TRAF3: variants seen among roughly 807,000 people sequenced by gnomAD.
TRAF3 encodes TNF receptor associated factor 3.
Under a neutral mutation model 62.3 loss-of-function variants are expected in TRAF3, and 13 were observed. The observed-to-expected ratio is 0.21, with a 90% CI of 0.14 to 0.33. The LOEUF (loss-of-function observed/expected upper bound fraction) is 0.33. Among genes scored for constraint, TRAF3 ranks in the 10% least tolerant of loss-of-function variants. The pLI, the probability that TRAF3 is intolerant of heterozygous loss-of-function variation, is 1.00. For missense variants in TRAF3, 440 were observed against 741.8 expected (o/e 0.59, Z 4.73); for synonymous variants, 269 against 283.4 (o/e 0.95, Z 0.51).
intron 1 of TRAF3, among the ~76,000 whole-genome samples, chr14:102,781,382 A>G (rs1897266369): frequency 1.3e-5 from 2 of 152,134 alleles, no homozygotes; most frequent in Admixed American, 6.5e-5. Context: ...TGTGAAGGGC[A>G]TGGTCTGTGG....
intron 2 of TRAF3, among the ~76,000 whole-genome samples, chr14:102,844,036 T>C (rs914327415): frequency 1.3e-5 from 2 of 152,236 alleles, no homozygotes; most frequent in Non-Finnish European, 2.9e-5. Context: ...TAACTAAAAG[T>C]AACTGAAGAA....
intron 2 of TRAF3, among the ~76,000 whole-genome samples, chr14:102,848,563 T>A (rs552735820): frequency 9.8e-5 from 15 of 152,384 alleles, no homozygotes; most frequent in African/African-American, 3.1e-4. Flanking sequence ...AAAACTGCTG[T>A]TTAAATTTCA....
At position 102,890,068 on chromosome 14, in the gene TRAF3, A is replaced by G. The variant is rs184628633; in HGVS notation, c.726+434A>G. Among the ~76,000 whole-genome samples, 165 of 152,370 alleles carry G rather than the reference A, an allele frequency of 1.1e-3. No individual in the cohort carries two copies. In the Middle Eastern group the frequency reaches 0.017, roughly 16 times the overall value. On this transcript the variant is annotated intron_variant, in intron 8 of 11. Coordinates refer to ENST00000392745, the MANE Select transcript of TRAF3 (RefSeq NM_145725.3). ...ACGTGTGTATCCATAAATGCATTTG[A>G]TGTACATGTCTGTGCTGACTCTGAC... is the stretch of plus-strand genomic sequence containing the variant.
intron 2 of TRAF3, among the ~76,000 whole-genome samples, chr14:102,842,443 C>T (rs1019568085): frequency 1.3e-5 from 2 of 151,834 alleles, no homozygotes; most frequent in African/African-American, 4.8e-5. Flanking sequence ...TTCCAAAGCA[C>T]AGCACAGAGA....
intron 4 of TRAF3, among the ~76,000 whole-genome samples, chr14:102,873,993 C>T (rs1182402067): frequency 6.6e-6 from 1 of 152,110 alleles, no homozygotes; most frequent in African/African-American, 2.4e-5. Flanking sequence ...GGCATGGTGC[C>T]TTATGCCTGG....
intron 7 of TRAF3, among the ~76,000 whole-genome samples, chr14:102,887,817 C>T (rs911095062): frequency 3.9e-5 from 6 of 152,070 alleles, no homozygotes; most frequent in Middle Eastern, 3.4e-3. Flanking sequence ...GCATGGTCTC[C>T]GTCTCCTGAC....
At chr14:102,895,257 G>C (rs921707647) in intron 9 of TRAF3, 4 of 334,844 alleles carry the variant, frequency 1.2e-5, no homozygotes, top group African/African-American at 6.5e-5. Context: ...GAAAGCCTTT[G>C]CGGAGTAAAA....
chr14:102,902,403 C>T (rs1013618943), intron 10 of TRAF3, among the ~76,000 whole-genome samples: 11 of 152,216 alleles, frequency 7.2e-5, no homozygotes, highest in African/African-American at 2.4e-4. Flanking sequence ...ACCCTGGGGT[C>T]GTTCTGGGGA....
chr14:102,883,760 A>G (rs2139902171), intron 6 of TRAF3, among the ~76,000 whole-genome samples: 1 of 151,792 alleles, frequency 6.6e-6, no homozygotes, highest in South Asian at 2.1e-4. Context: ...TGATTTTTAT[A>G]TTTTCAGTAG....
chr14:102,851,949 G>A (rs1412358194), intron 2 of TRAF3, among the ~76,000 whole-genome samples: 3 of 151,314 alleles, frequency 2.0e-5, no homozygotes, highest in African/African-American at 7.3e-5. Context: ...CAGCTGGTTG[G>A]GAGGCTGAGG....
chr14:102,806,458 T>G (rs1898778091), intron 1 of TRAF3, among the ~76,000 whole-genome samples: 1 of 152,132 alleles, frequency 6.6e-6, no homozygotes, highest in African/African-American at 2.4e-5. Flanking sequence ...AATTTTTGAG[T>G]AGATACCATT....
chr14:102,890,183 C>T (rs932672914), intron 8 of TRAF3, among the ~76,000 whole-genome samples: 3 of 152,246 alleles, frequency 2.0e-5, no homozygotes, highest in Admixed American at 6.5e-5. Context: ...CTGTTGCTGC[C>T]GCACATGTAG....
chr14:102,896,118 G>A (rs760815680), intron 9 of TRAF3, among the ~76,000 whole-genome samples: 3 of 152,100 alleles, frequency 2.0e-5, no homozygotes, highest in Non-Finnish European at 2.9e-5. Flanking sequence ...CACACATTGC[G>A]GAATAATTAA....
At chr14:102,856,097 C>CA (rs3070340) in intron 2 of TRAF3, among the ~76,000 whole-genome samples, 8,382 of 62,952 alleles carry the variant, frequency 0.13, 431 homozygotes, top group East Asian at 0.34. Context: ...CCCTGTCTCA[C>CA]AAAAAAAAAA....
intron 2 of TRAF3, among the ~76,000 whole-genome samples, chr14:102,837,138 G>T (rs962336282): frequency 1.6e-5 from 2 of 127,572 alleles, no homozygotes; most frequent in African/African-American, 6.4e-5. Context: ...GTGTGTGTGT[G>T]TGTGTTTTTT....
intron 1 of TRAF3, among the ~76,000 whole-genome samples, chr14:102,789,132 T>G (rs1376699744): frequency 6.6e-6 from 1 of 152,148 alleles, no homozygotes; most frequent in African/African-American, 2.4e-5. Flanking sequence ...GTTTTTTGTA[T>G]CTGGCTGCTT....
Position 102,875,743 on chromosome 14 carries a change from G to A in TRAF3, c.402+15G>A. ...GACATCTGCTGGTGAGTAGCAAAGG[G>A]ACACTGGAACCTTTTACATGAAGGA... On this transcript the variant is annotated intron_variant, in intron 5 of 11. Coordinates refer to ENST00000392745, the MANE Select transcript of TRAF3 (RefSeq NM_145725.3). 1 of 1,602,260 alleles carries A rather than the reference G, an allele frequency of 6.2e-7. No individual in the cohort carries two copies. Among genetic ancestry groups the A allele is most frequent in the Non-Finnish European group, 8.6e-7 (1 of 1,169,522 alleles).
intron 10 of TRAF3, among the ~76,000 whole-genome samples, chr14:102,900,179 GGAAAAAAA>G (rs1411459886): frequency 1.1e-4 from 9 of 83,746 alleles, no homozygotes; most frequent in East Asian, 4.4e-4. Flanking sequence ...ACTCCGTCTC[GGAAAAAAA>G]AAAAAAAAAA....
intron 9 of TRAF3, among the ~76,000 whole-genome samples, chr14:102,894,789 C>A (rs775426335): frequency 1.3e-5 from 2 of 152,186 alleles, no homozygotes; most frequent in Non-Finnish European, 2.9e-5. Flanking sequence ...GCAGCCTCGA[C>A]CTCCTGGGCT....
Sources: allele counts gnomAD v4.1 joint callset (sites outside exome capture counted in the v4.1 genomes callset), GRCh38; gene constraint gnomAD v4.1.1; transcripts MANE v1.5; gene names NCBI Gene and HGNC (gene_info 2026-07-23, HGNC 2026-07-21).